Variants in NDUFS1 observed in about 807,000 individuals in gnomAD.
NDUFS1 encodes NADH-ubiquinone oxidoreductase 75 kDa subunit, mitochondrial.
A neutral mutation model predicts 84.4 loss-of-function variants in NDUFS1; 61 were observed. The observed-to-expected ratio is 0.72, with a 90% CI of 0.59 to 0.89. The LOEUF (loss-of-function observed/expected upper bound fraction) is 0.89, where lower values mean the gene tolerates loss of function less well. Ranked by LOEUF, NDUFS1 falls within the 40% of genes least tolerant of loss-of-function variation. The pLI, the probability that NDUFS1 is intolerant of heterozygous loss-of-function variation, is 0.00. For missense variants in NDUFS1, 891 were observed against 890.0 expected (o/e 1.00, Z -0.01); for synonymous variants, 275 against 290.0 (o/e 0.95, Z 0.53).
chr2:206,139,842 C>T (rs1221490982), intron 12 of NDUFS1, among the ~76,000 whole-genome samples: 2 of 116,620 alleles, frequency 1.7e-5, no homozygotes, highest in African/African-American at 6.6e-5. Context: ...AGACAGAAAG[C>T]ATGCTAGAAA....
rs1018898259 is a variant in NDUFS1 at position 206,147,638 on chromosome 2, A to C, written c.444T>G (p.Asn148Lys). Residue 148 changes from asparagine (N) to lysine (K), a missense_variant, in exon 7 of 19, where the codon AAT (asparagine) becomes AAG (lysine). Physicochemically the swap from Asn to Lys is moderately conservative, Grantham distance 94. Transcript: ENST00000233190. The stretch of plus-strand genomic sequence containing the variant: ...TCCCCTCTAAAAATCGGCTCCTATC[A>C]TTTCCAAACATCATGGACTGGTCCT... ...DLQDQSMMFG[N>K]DRSRFLEGKR... 1 of 1,614,184 alleles carries C rather than the reference A, an allele frequency of 6.2e-7. No homozygotes were observed. Among genetic ancestry groups the C allele is most frequent in the Non-Finnish European group, 8.5e-7 (1 of 1,180,030 alleles).
chr2:206,126,873 C>G (rs1691315116), intron 16 of NDUFS1, 29 bp from the exon 17 acceptor site: 1 of 1,613,052 alleles, frequency 6.2e-7, no homozygotes, highest in Non-Finnish European at 8.5e-7. Flanking sequence ...CCAAAAACAA[C>G]AAAAAGCTTT....
At chr2:206,128,020 T>C (rs1691360748) in intron 15 of NDUFS1, 48 bp from the exon 16 acceptor site, 2 of 1,576,140 alleles carry the variant, frequency 1.3e-6, no homozygotes, top group South Asian at 1.1e-5. Flanking sequence ...TAAAAACTGA[T>C]TTTCTACTGT....
chr2:206,144,358 T>C (rs1034945703), intron 9 of NDUFS1, among the ~76,000 whole-genome samples: 7 of 152,216 alleles, frequency 4.6e-5, no homozygotes, highest in Non-Finnish European at 7.3e-5. Context: ...ATTTCTTCCC[T>C]TAAATCATAC....
At chr2:206,143,748 C>T (rs894852812) in intron 10 of NDUFS1, among the ~76,000 whole-genome samples, 1 of 152,146 alleles carries the variant, frequency 6.6e-6, no homozygotes, top group Admixed American at 6.6e-5. Flanking sequence ...TATATAATTA[C>T]TCATAGCTGC....
At chr2:206,152,829 C>G (rs758440190) in intron 2 of NDUFS1, among the ~76,000 whole-genome samples, 2 of 151,394 alleles carry the variant, frequency 1.3e-5, no homozygotes, top group Non-Finnish European at 2.9e-5. Flanking sequence ...CTCAGCCTTC[C>G]GAGTAGCTGG....
At chr2:206,158,676 T>C (rs529047540) in intron 1 of NDUFS1, among the ~76,000 whole-genome samples, 1 of 152,366 alleles carries the variant, frequency 6.6e-6, no homozygotes, top group African/African-American at 2.4e-5. Context: ...GTTACACTTC[T>C]ATACCGTCAA....
At chr2:206,138,425 TAA>T in intron 13 of NDUFS1, 58 bp downstream of exon 13, 1 of 1,558,182 alleles carries the variant, frequency 6.4e-7, no homozygotes. Flanking sequence ...CAAAAACAGT[TAA>T]GTTTAAATAA....
Position 206,144,039 on chromosome 2 carries a change from C to G in NDUFS1, c.966G>C (p.Ala322=). 6.2e-7 allele frequency: 1 copy of G among 1,611,846 alleles called. No individual in the cohort carries two copies. Among genetic ancestry groups the G allele is most frequent in the South Asian group, 1.1e-5 (1 of 91,042 alleles). ...GLLTYTSWED[A]LSRVAGMLQS... is the part of the protein sequence containing the mutation. ...TTACCATTCCAGCTACGCGAGAGAG[C>G]GCATCCTCCCAAGAAGTATAGGTTA... The change falls in exon 10 of 19, where the codon GCG becomes GCC. Residue 322 remains alanine, a synonymous_variant. Coordinates refer to ENST00000233190, the MANE Select transcript of NDUFS1 (RefSeq NM_005006.7).
intron 1 of NDUFS1, among the ~76,000 whole-genome samples, chr2:206,154,158 G>C (rs1687529952): frequency 6.6e-6 from 1 of 152,188 alleles, no homozygotes; most frequent in African/African-American, 2.4e-5. Context: ...ACCAGCCCAA[G>C]CCTTTGAGGT....
chr2:206,147,293 A>G (rs549115218), intron 7 of NDUFS1, among the ~76,000 whole-genome samples: 2 of 152,370 alleles, frequency 1.3e-5, no homozygotes, highest in Non-Finnish European at 2.9e-5. Context: ...TACAAATCAT[A>G]TGTGTACAAC....
At position 206,132,945 on chromosome 2, in the gene NDUFS1, CT is replaced by C. The variant is rs759937633; in HGVS notation, c.1552del (p.Arg518GlyfsTer6). ...GDWKVMNILHRIASQVAALDL... is the reference protein window; with the variant it reads ...GDWKVMNILHXIASQVAALDL... ...TATATAAAGCAATTACTCAACAAACCTATGAAGGATATTCATAACTTTCCAA... is the reference window on the plus strand; with the variant it reads ...TATATAAAGCAATTACTCAACAAACCATGAAGGATATTCATAACTTTCCAA... On this transcript the variant is annotated frameshift_variant and splice_region_variant, in exon 14 of 19. Transcript: ENST00000233190. LOFTEE classifies it high-confidence loss of function. 1.2e-6 allele frequency: 2 copies of C among 1,611,946 alleles called. No homozygotes were observed. The highest frequency in any genetic ancestry group is 2.2e-5 in the South Asian group (2 of 90,980).
rs1175130976 is a variant in NDUFS1 at position 206,114,957 on chromosome 2, G to A, written c.*9228C>T. On this transcript the variant is annotated 3_prime_UTR_variant, in exon 19 of 19. Transcript: ENST00000233190. ...TCTGAAGCACTTTCCATATCAGCAC[G>A]TTGAGATCTAGCTCATTGGTTTAAA... The A allele has an allele frequency of 1.3e-5, 2 of 152,066 alleles. No homozygotes were observed. Among genetic ancestry groups the A allele is most frequent in the South Asian group, 2.1e-4 (1 of 4,822 alleles). 9.4% of individuals were successfully genotyped at this position (152,066 alleles called of 1,614,324 possible).
intron 1 of NDUFS1, chr2:206,159,116 G>T: frequency 3.9e-6 from 6 of 1,535,740 alleles, no homozygotes; most frequent in Non-Finnish European, 5.2e-6. Context: ...GCGTTCCCGA[G>T]GACCCCCTGA....
intron 14 of NDUFS1, 71 bp from the exon 15 acceptor site, chr2:206,130,313 G>C: frequency 2.6e-6 from 4 of 1,547,454 alleles, no homozygotes; most frequent in South Asian, 2.3e-5. Flanking sequence ...GTGATTTTTG[G>C]AATAATTTCC....
chr2:206,131,613 C>A (rs1054881106), intron 14 of NDUFS1, among the ~76,000 whole-genome samples: 2 of 151,910 alleles, frequency 1.3e-5, no homozygotes, highest in Non-Finnish European at 2.9e-5. Context: ...ACCAGCCTGG[C>A]GAACATGGTG....
intron 13 of NDUFS1, among the ~76,000 whole-genome samples, chr2:206,136,900 T>C (rs901539326): frequency 1.3e-5 from 2 of 151,526 alleles, no homozygotes; most frequent in Admixed American, 6.6e-5. Flanking sequence ...GGATTATGCA[T>C]GCACCACCAT....
chr2:206,127,705 G>T, intron 16 of NDUFS1, 92 bp downstream of exon 16: 1 of 1,304,416 alleles, frequency 7.7e-7, no homozygotes, highest in Non-Finnish European at 1.1e-6. Flanking sequence ...TTTCAGACTG[G>T]CATCTTCCTT....
intron 15 of NDUFS1, 114 bp from the exon 16 acceptor site, chr2:206,128,086 T>C: frequency 8.3e-7 from 1 of 1,209,578 alleles, no homozygotes; most frequent in Non-Finnish European, 1.2e-6. Context: ...ACAAAAGTTT[T>C]TAAAACTAAA....
Sources: allele counts gnomAD v4.1 joint callset (sites outside exome capture counted in the v4.1 genomes callset), GRCh38; gene constraint gnomAD v4.1.1; transcripts MANE v1.5; gene names NCBI Gene and HGNC (gene_info 2026-07-23, HGNC 2026-07-21).